DOCK3: variants seen among roughly 807,000 people sequenced by gnomAD.
DOCK3 encodes the protein dedicator of cytokinesis 3, also known as dedicator of cytokinesis protein 3.
In DOCK3, 60 loss-of-function variants were observed where a neutral mutation model predicts 265.6. The ratio of observed to expected loss-of-function variants is 0.23; its 90% CI spans 0.18 to 0.28. The LOEUF (loss-of-function observed/expected upper bound fraction) is 0.28. DOCK3 is among the 10% of genes least tolerant of loss of function. The pLI, the probability that DOCK3 is intolerant of heterozygous loss-of-function variation, is 1.00. For missense variants in DOCK3, 1,981 were observed against 2,594.3 expected, an observed-to-expected ratio of 0.76 and a Z score of 5.14; for synonymous variants, 881 against 938.0, an observed-to-expected ratio of 0.94 and a Z score of 1.11.
At chr3:50,947,305 C>G (rs1189367272) in intron 5 of DOCK3, among the ~76,000 whole-genome samples, 1 of 151,794 alleles carries the variant, frequency 6.6e-6, no homozygotes, top group Non-Finnish European at 1.5e-5. Context: ...GCATTTAGTC[C>G]CCAAGAAGAC....
At chr3:51,104,225 G>C (rs1372182170) in intron 9 of DOCK3, among the ~76,000 whole-genome samples, 1 of 152,178 alleles carries the variant, frequency 6.6e-6, no homozygotes, top group Non-Finnish European at 1.5e-5. Context: ...AGGACAGCAA[G>C]GATACCAGTG....
intron 5 of DOCK3, among the ~76,000 whole-genome samples, chr3:51,053,328 C>A (rs2081076679): frequency 6.6e-6 from 1 of 150,920 alleles, no homozygotes. Flanking sequence ...CAGTGATCTT[C>A]TTATTATAGA....
chr3:51,368,287 G>A (rs1022705315), intron 49 of DOCK3, among the ~76,000 whole-genome samples: 5 of 152,202 alleles, frequency 3.3e-5, no homozygotes, highest in African/African-American at 9.7e-5. Context: ...CAAGGGGTCG[G>A]GGAGTTACCT....
chr3:50,741,447 G>C (rs1024803245), intron 1 of DOCK3, among the ~76,000 whole-genome samples: 8 of 104,056 alleles, frequency 7.7e-5, no homozygotes, highest in Non-Finnish European at 1.1e-4. Flanking sequence ...ACAACAGTCC[G>C]CAGAGTGTGA....
chr3:51,272,846 A>G (rs1472977080), intron 24 of DOCK3, among the ~76,000 whole-genome samples: 1 of 151,922 alleles, frequency 6.6e-6, no homozygotes, highest in Non-Finnish European at 1.5e-5. Context: ...CACTGTACAC[A>G]CTTGAGCTTT....
At chr3:51,233,346 C>CTATTTATT (rs1404782033) in intron 19 of DOCK3, among the ~76,000 whole-genome samples, 16 of 81,940 alleles carry the variant, frequency 2.0e-4, no homozygotes, top group East Asian at 1.7e-3. Flanking sequence ...ATCTATCTAT[C>CTATTTATT]TATCTATCTA....
chr3:50,990,845 A>T (rs1047754993), intron 5 of DOCK3, among the ~76,000 whole-genome samples: 5 of 152,096 alleles, frequency 3.3e-5, no homozygotes, highest in Admixed American at 6.5e-5. Context: ...AGCTGATTAG[A>T]TGGTGCCCAC....
At chr3:50,944,398 C>T (rs1277713478) in intron 5 of DOCK3, among the ~76,000 whole-genome samples, 2 of 152,204 alleles carry the variant, frequency 1.3e-5, no homozygotes, top group Admixed American at 1.3e-4. Context: ...CAATACTGCA[C>T]TTGACTGGTC....
intron 5 of DOCK3, among the ~76,000 whole-genome samples, chr3:51,010,812 T>C (rs981998454): frequency 1.4e-4 from 21 of 152,212 alleles, no homozygotes; most frequent in Non-Finnish European, 1.5e-5. Flanking sequence ...TAGGGCAGGC[T>C]TGGTGGTGAC....
intron 32 of DOCK3, among the ~76,000 whole-genome samples, chr3:51,317,280 A>G (rs529014381): frequency 4.5e-4 from 68 of 151,810 alleles, no homozygotes; most frequent in African/African-American, 1.4e-3. Context: ...AAAAAAAAGA[A>G]AAACAAATGG....
intron 5 of DOCK3, among the ~76,000 whole-genome samples, chr3:50,979,767 T>TA (rs2077622515): frequency 6.6e-6 from 1 of 152,268 alleles, no homozygotes; most frequent in Non-Finnish European, 1.5e-5. Flanking sequence ...TTCTTTTTGA[T>TA]ATATAGAAAT....
At chr3:51,037,321 G>A (rs747122641) in intron 5 of DOCK3, among the ~76,000 whole-genome samples, 2 of 151,460 alleles carry the variant, frequency 1.3e-5, no homozygotes, top group South Asian at 2.1e-4. Flanking sequence ...AATTCCATAC[G>A]TTTTTGGGGA....
chr3:50,923,558 C>T (rs2050613874), intron 4 of DOCK3, among the ~76,000 whole-genome samples: 1 of 152,068 alleles, frequency 6.6e-6, no homozygotes, highest in African/African-American at 2.4e-5. Context: ...AAAGCTAAAC[C>T]TTATCACTAC....
intron 40 of DOCK3, among the ~76,000 whole-genome samples, chr3:51,352,647 A>T (rs1239666174): frequency 2.6e-5 from 4 of 152,208 alleles, no homozygotes; most frequent in African/African-American, 7.2e-5. Flanking sequence ...ATGCATGTAT[A>T]ATTCATGCAT....
chr3:51,346,564 A>C (rs1048627308), intron 38 of DOCK3, among the ~76,000 whole-genome samples: 3 of 152,242 alleles, frequency 2.0e-5, no homozygotes, highest in Non-Finnish European at 2.9e-5. Context: ...GTTGGTTCCA[A>C]GTCTTTGCTA....
intron 1 of DOCK3, among the ~76,000 whole-genome samples, chr3:50,766,139 A>G (rs1027629291): frequency 3.3e-5 from 5 of 152,046 alleles, no homozygotes; most frequent in African/African-American, 1.2e-4. Context: ...TTTTTTAAAT[A>G]TGCTTTAAGT....
chr3:50,685,129 T>A (rs1454996897), intron 1 of DOCK3, among the ~76,000 whole-genome samples: 1 of 152,212 alleles, frequency 6.6e-6, no homozygotes, highest in Non-Finnish European at 1.5e-5. Context: ...TATTATACTT[T>A]GAACATGTTC....
intron 41 of DOCK3, 101 bp from the exon 42 acceptor site, chr3:51,355,988 C>A: frequency 6.8e-7 from 1 of 1,466,268 alleles, no homozygotes; most frequent in Non-Finnish European, 9.4e-7. Flanking sequence ...CAGTAAGGAG[C>A]AGGGACTATG....
chr3:51,201,642 G>C (rs943139344), intron 12 of DOCK3, among the ~76,000 whole-genome samples: 4 of 152,082 alleles, frequency 2.6e-5, no homozygotes, highest in East Asian at 3.9e-4. Flanking sequence ...GGATACCCAG[G>C]AATTGAACTC....
Sources: allele counts gnomAD v4.1 joint callset (sites outside exome capture counted in the v4.1 genomes callset), GRCh38; gene constraint gnomAD v4.1.1; transcripts MANE v1.5; gene names NCBI Gene and HGNC (gene_info 2026-07-23, HGNC 2026-07-21).